IGF1R: variants seen among roughly 807,000 people sequenced by gnomAD.
The protein encoded by IGF1R is insulin-like growth factor 1 receptor.
In IGF1R, 44 loss-of-function variants were observed where a neutral mutation model predicts 144.6. That is an observed-to-expected ratio of 0.30 (90% CI 0.24 to 0.39). IGF1R has a LOEUF of 0.39. Ranked by LOEUF, IGF1R falls within the 10% of genes least tolerant of loss-of-function variation. The probability of loss-of-function intolerance (pLI) is 1.00; values close to 1 mark genes in which losing one functional copy is unlikely to be tolerated. For missense variants in IGF1R, 1,355 were observed against 1,833.7 expected, an observed-to-expected ratio of 0.74 and a Z score of 4.77; for synonymous variants, 795 against 722.8, an observed-to-expected ratio of 1.10 and a Z score of -1.60.
chr15:98,925,843 G>T (rs1348499720), intron 13 of IGF1R, among the ~76,000 whole-genome samples: 1 of 152,144 alleles, frequency 6.6e-6, no homozygotes, highest in African/African-American at 2.4e-5. Context: ...GGCAGAGGTT[G>T]CAGTGAGCCA....
In IGF1R at chr15:98,960,772, G is replaced by A. The variant is rs946527573; in HGVS notation, c.*3330G>A. 2 of 233,648 alleles carry A rather than the reference G, an allele frequency of 8.6e-6. No homozygotes were observed. The highest frequency in any genetic ancestry group is 2.2e-5 in the African/African-American group (1 of 45,340). The allele number at this position is 233,648 out of a possible 1,614,324, so 14.5% of individuals were successfully genotyped here. A position where few individuals can be genotyped will look rare whatever the true frequency, so the allele number is the denominator to read the frequency against. ...GCCAGTCCCTGATAGAACACACGCA[G>A]GAGCAGAGTCCCCTCCCCCTCCAGG... On this transcript the variant is annotated 3_prime_UTR_variant, in exon 21 of 21. Transcript: ENST00000650285.
At chr15:98,743,068 A>C (rs1345728377) in intron 2 of IGF1R, among the ~76,000 whole-genome samples, 1 of 152,278 alleles carries the variant, frequency 6.6e-6, no homozygotes, top group East Asian at 1.9e-4. Context: ...ATATCATAGT[A>C]AATAGGTTTT....
rs955088885 is a variant in IGF1R at position 98,672,857 on chromosome 15, TAATC to T, written c.94+23184_94+23187del. Among the ~76,000 whole-genome samples the T allele has an allele frequency of 2.0e-5, 3 of 152,180 alleles. No individual in the cohort carries two copies. The East Asian group carries it at 5.8e-4, about 29-fold the overall frequency. Reference sequence around the variant, plus strand: ...TTGAAGCAGTGAATCTGGTGAAACTTAATCAGTGATTTCGTAAGGGTTAACAAAT... The same window carrying T: ...TTGAAGCAGTGAATCTGGTGAAACTTAGTGATTTCGTAAGGGTTAACAAAT... On this transcript the variant is annotated intron_variant, in intron 1 of 20. Coordinates refer to ENST00000650285, the MANE Select transcript of IGF1R (RefSeq NM_000875.5).
intron 5 of IGF1R, among the ~76,000 whole-genome samples, chr15:98,906,791 T>G (rs2014753040): frequency 6.6e-6 from 1 of 152,250 alleles, no homozygotes; most frequent in African/African-American, 2.4e-5. Flanking sequence ...ACCGGTTTGG[T>G]GGTCACTAAT....
rs775915596 is a variant in IGF1R, at chr15:98,922,407, G to A, written c.2461G>A (p.Val821Ile). 1.2e-5 allele frequency: 20 copies of A among 1,612,680 alleles called. No homozygotes were observed. Among genetic ancestry groups the A allele is most frequent in the East Asian group, 2.2e-5 (1 of 44,904 alleles). Reference sequence around the variant, plus strand: ...GCTGGGCTGCAGCGCCTCCAACTTCGTCTTTGCAAGGACTATGCCCGCAGG... The same window carrying A: ...GCTGGGCTGCAGCGCCTCCAACTTCATCTTTGCAAGGACTATGCCCGCAGG... ...EKLGCSASNFVFARTMPAEGA... is the reference protein window; with the variant it reads ...EKLGCSASNFIFARTMPAEGA... Residue 821 changes from valine (V) to isoleucine (I), a missense_variant, in exon 11 of 21, where the codon GTC becomes ATC. Transcript: ENST00000650285.
At chr15:98,948,103 C>T (rs2016624814) in intron 19 of IGF1R, among the ~76,000 whole-genome samples, 1 of 152,176 alleles carries the variant, frequency 6.6e-6, no homozygotes, top group African/African-American at 2.4e-5. Context: ...TAAAAATCAC[C>T]TGAGGAGCTT....
intron 2 of IGF1R, among the ~76,000 whole-genome samples, chr15:98,749,167 CTT>C (rs10609630): frequency 0.56 from 84,020 of 149,078 alleles, 24,385 homozygotes; most frequent in Non-Finnish European, 0.65. Context: ...TTAATAAATC[CTT>C]TTTTTTTTTT....
intron 1 of IGF1R, among the ~76,000 whole-genome samples, chr15:98,685,548 G>C (rs990309199): frequency 6.6e-6 from 1 of 152,188 alleles, no homozygotes; most frequent in African/African-American, 2.4e-5. Context: ...CTCTTCCTCT[G>C]TGTCCCTTCG....
intron 1 of IGF1R, chr15:98,651,147 C>G (rs1439739418): frequency 7.4e-6 from 6 of 806,686 alleles, no homozygotes; most frequent in Non-Finnish European, 6.0e-6. Flanking sequence ...ACGACTGAGC[C>G]TTCACGAGTG....
At chr15:98,709,899 G>T (rs193247676) in intron 2 of IGF1R, among the ~76,000 whole-genome samples, 1 of 152,274 alleles carries the variant, frequency 6.6e-6, no homozygotes, top group Admixed American at 6.5e-5. Context: ...TCTTGCCATA[G>T]GTTTTTGGCT....
At chr15:98,650,478 A>C (rs1359402307) in intron 1 of IGF1R, among the ~76,000 whole-genome samples, 1 of 152,222 alleles carries the variant, frequency 6.6e-6, no homozygotes, top group Admixed American at 6.5e-5. Flanking sequence ...TCCCCAGTTC[A>C]GAGGGCTCTG....
chr15:98,854,999 C>T (rs2011721558), intron 2 of IGF1R, among the ~76,000 whole-genome samples: 1 of 152,138 alleles, frequency 6.6e-6, no homozygotes, highest in Non-Finnish European at 1.5e-5. Context: ...GAATGGCTGC[C>T]CCTGTGCCAG....
chr15:98,876,201 C>T (rs200329246), intron 2 of IGF1R, among the ~76,000 whole-genome samples: 1 of 151,950 alleles, frequency 6.6e-6, no homozygotes, highest in East Asian at 1.9e-4. Context: ...CTCCATTGGG[C>T]ATTTACAGGT....
intron 2 of IGF1R, among the ~76,000 whole-genome samples, chr15:98,801,190 G>A (rs529687120): frequency 6.6e-6 from 1 of 152,282 alleles, no homozygotes; most frequent in East Asian, 1.9e-4. Flanking sequence ...TAGTGAGCCT[G>A]AGCACTTGTT....
At chr15:98,904,703 G>C (rs896151368) in intron 5 of IGF1R, among the ~76,000 whole-genome samples, 1 of 152,202 alleles carries the variant, frequency 6.6e-6, no homozygotes, top group African/African-American at 2.4e-5. Context: ...TTTTCTCCTC[G>C]AAGGAAGGAA....
In IGF1R at chr15:98,940,700, C is replaced by G. The variant is rs552493845; in HGVS notation, c.3457+1340C>G. Among the ~76,000 whole-genome samples, 26 of 152,354 alleles carry G rather than the reference C, an allele frequency of 1.7e-4. 2 individuals are homozygous for G. In the South Asian group the frequency reaches 5.2e-3, roughly 30 times the overall value. On this transcript the variant is annotated intron_variant, in intron 18 of 20. Coordinates refer to ENST00000650285, the MANE Select transcript of IGF1R (RefSeq NM_000875.5). ...GATTACAGGCGTGAGCCACCACACC[C>G]AGCTGAGAATGGTTTCTAAAGTAGG...
chr15:98,653,597 A>G (rs2052419670), intron 1 of IGF1R, among the ~76,000 whole-genome samples: 1 of 152,232 alleles, frequency 6.6e-6, no homozygotes, highest in African/African-American at 2.4e-5. Flanking sequence ...TATAAAATTA[A>G]AATTCCTTAC....
intron 2 of IGF1R, among the ~76,000 whole-genome samples, chr15:98,847,237 A>C (rs570570038): frequency 4.6e-4 from 70 of 152,256 alleles, no homozygotes; most frequent in African/African-American, 1.6e-3. Flanking sequence ...TTGGACTCCC[A>C]AAGTGCTGGG....
chr15:98,952,330 A>ACACACACACACACACACT (rs1264640788), intron 20 of IGF1R, among the ~76,000 whole-genome samples: 2 of 151,200 alleles, frequency 1.3e-5, no homozygotes, highest in African/African-American at 4.9e-5. Context: ...ACACACACAC[A>ACACACACACACACACACT]CTGCCCCTCA....
Sources: allele counts gnomAD v4.1 joint callset (sites outside exome capture counted in the v4.1 genomes callset), GRCh38; gene constraint gnomAD v4.1.1; transcripts MANE v1.5; gene names NCBI Gene and HGNC (gene_info 2026-07-23, HGNC 2026-07-21).